Variants in OPCML observed in about 807,000 individuals in gnomAD.
The protein encoded by OPCML is opioid-binding protein/cell adhesion molecule.
A neutral mutation model predicts 37.8 loss-of-function variants in OPCML; 13 were observed. That is an observed-to-expected ratio of 0.34 (90% CI 0.22 to 0.55). The LOEUF (loss-of-function observed/expected upper bound fraction) is 0.55. Among genes scored for constraint, OPCML ranks in the 20% least tolerant of loss-of-function variants. The pLI is 0.91. For synonymous variants in OPCML, 176 were observed against 168.8 expected, an observed-to-expected ratio of 1.04 and a Z score of -0.33; for missense variants, 341 against 435.6, an observed-to-expected ratio of 0.78 and a Z score of 1.93.
chr11:132,944,599 A>T (rs937286028), intron 1 of OPCML, among the ~76,000 whole-genome samples: 1 of 152,216 alleles, frequency 6.6e-6, no homozygotes, highest in Admixed American at 6.5e-5. Flanking sequence ...AAGGGCTGGG[A>T]AAAACACACC....
chr11:132,970,569 G>T (rs1458012508), intron 1 of OPCML, among the ~76,000 whole-genome samples: 1 of 152,032 alleles, frequency 6.6e-6, no homozygotes, highest in Non-Finnish European at 1.5e-5. Context: ...TGGCATTCAT[G>T]GATCTTTATA....
At chr11:133,175,467 A>G (rs1259032422) in intron 1 of OPCML, among the ~76,000 whole-genome samples, 11 of 144,900 alleles carry the variant, frequency 7.6e-5, no homozygotes, top group Admixed American at 7.1e-4. Flanking sequence ...CTACAAGTGT[A>G]ACGGAAGAGA....
intron 1 of OPCML, among the ~76,000 whole-genome samples, chr11:133,314,262 G>C (rs1276030685): frequency 1.1e-5 from 1 of 89,702 alleles, no homozygotes; most frequent in Non-Finnish European, 2.2e-5. Flanking sequence ...AAAAAAAAAA[G>C]ATTTCAGACA....
At chr11:133,307,238 A>G (rs1406494258) in intron 1 of OPCML, among the ~76,000 whole-genome samples, 1 of 152,098 alleles carries the variant, frequency 6.6e-6, no homozygotes, top group Non-Finnish European at 1.5e-5. Flanking sequence ...AGAAGCAAAG[A>G]GAAGGAAGTG....
chr11:133,004,071 A>G (rs2136855943), intron 1 of OPCML: 2 of 985,380 alleles, frequency 2.0e-6, no homozygotes, highest in East Asian at 1.1e-4. Flanking sequence ...GAAGAGGCAA[A>G]GAGCAGGGGC....
intron 1 of OPCML, among the ~76,000 whole-genome samples, chr11:133,062,260 G>C (rs1483862003): frequency 6.6e-6 from 1 of 152,140 alleles, no homozygotes. Context: ...ACCTGTCCTT[G>C]CCTCTGCCAG....
At chr11:132,677,635 G>A (rs1323358539) in intron 2 of OPCML, among the ~76,000 whole-genome samples, 3 of 152,020 alleles carry the variant, frequency 2.0e-5, no homozygotes, top group Non-Finnish European at 2.9e-5. Flanking sequence ...TTTTACAAAG[G>A]AGCAAAGACA....
intron 2 of OPCML, among the ~76,000 whole-genome samples, chr11:132,784,520 A>C (rs569266746): frequency 3.2e-4 from 49 of 152,176 alleles, no homozygotes; most frequent in African/African-American, 1.1e-3. Flanking sequence ...TGCTCCAGCA[A>C]ACTCCAAGTA....
intron 1 of OPCML, among the ~76,000 whole-genome samples, chr11:133,074,854 A>G (rs1948596944): frequency 6.6e-6 from 1 of 152,210 alleles, no homozygotes; most frequent in South Asian, 2.1e-4. Context: ...ATCAGAAGCC[A>G]CATCTCTCAG....
intron 2 of OPCML, among the ~76,000 whole-genome samples, chr11:132,826,268 G>A (rs1048020699): frequency 6.6e-6 from 1 of 152,186 alleles, no homozygotes; most frequent in African/African-American, 2.4e-5. Flanking sequence ...TGGAAACTAT[G>A]AAAAATGCAT....
At chr11:133,099,655 T>G (rs1479225362) in intron 1 of OPCML, among the ~76,000 whole-genome samples, 9 of 152,132 alleles carry the variant, frequency 5.9e-5, no homozygotes. Context: ...GATTTGCATT[T>G]CTGTAACGAG....
chr11:132,909,064 C>T (rs886776647), intron 2 of OPCML, among the ~76,000 whole-genome samples: 2 of 152,160 alleles, frequency 1.3e-5, no homozygotes, highest in Admixed American at 6.5e-5. Context: ...AGCATCAGTG[C>T]GGGATGCCCA....
intron 1 of OPCML, among the ~76,000 whole-genome samples, chr11:133,247,915 T>C (rs937028220): frequency 6.6e-6 from 1 of 152,000 alleles, no homozygotes; most frequent in African/African-American, 2.4e-5. Context: ...AGCCTCAAGG[T>C]TTAAAGAGAA....
chr11:132,465,165 T>C (rs1201739106), intron 4 of OPCML, among the ~76,000 whole-genome samples: 1 of 152,176 alleles, frequency 6.6e-6, no homozygotes, highest in Non-Finnish European at 1.5e-5. Context: ...GTTTCCAGTT[T>C]CTCTCTATTA....
In OPCML at chr11:133,236,498, G is replaced by T. The variant is rs150038958; in HGVS notation, c.62-293488C>A. On this transcript the variant is annotated intron_variant, in intron 1 of 7. Coordinates refer to ENST00000524381, the MANE Select transcript of OPCML (RefSeq NM_001012393.5). ...TGTGGGTGTAAAAAGTAAAGTAGAG[G>T]TTCCTTTTCAAAGACTTGTCTCCCC... is the stretch of plus-strand genomic sequence containing the variant. 6.7e-3 allele frequency among the ~76,000 whole-genome samples: 979 copies of T among 146,150 alleles called. 10 individuals are homozygous for T. The highest frequency in any genetic ancestry group is 0.023 in the African/African-American group (929 of 41,210).
At chr11:132,808,048 A>G (rs12283139) in intron 2 of OPCML, among the ~76,000 whole-genome samples, 33,947 of 152,198 alleles carry the variant, frequency 0.22, 4,797 homozygotes, top group Non-Finnish European at 0.33. Context: ...GAATTTGATC[A>G]AGCTACATGA....
At chr11:133,495,546 C>T (rs1170594927) in intron 1 of OPCML, among the ~76,000 whole-genome samples, 2 of 152,024 alleles carry the variant, frequency 1.3e-5, no homozygotes, top group East Asian at 1.9e-4. Flanking sequence ...CCCTGATCAC[C>T]GCATCCACAC....
At chr11:132,646,642 G>A (rs1246607424) in intron 3 of OPCML, among the ~76,000 whole-genome samples, 2 of 152,184 alleles carry the variant, frequency 1.3e-5, no homozygotes, top group Non-Finnish European at 2.9e-5. Context: ...TATTGGACAT[G>A]ACATTTGCTT....
intron 1 of OPCML, among the ~76,000 whole-genome samples, chr11:133,406,439 T>A (rs1392843331): frequency 6.6e-6 from 1 of 152,116 alleles, no homozygotes; most frequent in Non-Finnish European, 1.5e-5. Context: ...TAAGCTGTAG[T>A]TTTTTTCAGA....
Sources: allele counts gnomAD v4.1 joint callset (sites outside exome capture counted in the v4.1 genomes callset), GRCh38; gene constraint gnomAD v4.1.1; transcripts MANE v1.5; gene names NCBI Gene and HGNC (gene_info 2026-07-23, HGNC 2026-07-21).